The following ANKRD44 variants were observed in gnomAD, a reference collection of about 807,000 sequenced individuals.
ANKRD44 encodes ankyrin repeat domain 44.
Under a neutral mutation model 116.0 loss-of-function variants are expected in ANKRD44, and 35 were observed. That is an observed-to-expected ratio of 0.30 (90% CI 0.23 to 0.40). The LOEUF is 0.40. Ranked by LOEUF, ANKRD44 falls within the 10% of genes least tolerant of loss-of-function variation. The probability of loss-of-function intolerance (pLI) is 1.00; values close to 1 mark genes in which losing one functional copy is unlikely to be tolerated. For synonymous variants in ANKRD44, 435 were observed against 461.8 expected, an observed-to-expected ratio of 0.94 and a Z score of 0.74; for missense variants, 1,014 against 1,242.6, an observed-to-expected ratio of 0.82 and a Z score of 2.77.
intron 16 of ANKRD44, among the ~76,000 whole-genome samples, chr2:197,044,055 G>A (rs2076958354): frequency 6.6e-6 from 1 of 152,070 alleles, no homozygotes; most frequent in Non-Finnish European, 1.5e-5. Flanking sequence ...TCAATTTGTA[G>A]GATATTTTCT....
intron 1 of ANKRD44, among the ~76,000 whole-genome samples, chr2:197,281,389 G>A (rs1054477699): frequency 6.6e-6 from 1 of 150,776 alleles, no homozygotes; most frequent in Non-Finnish European, 1.5e-5. Flanking sequence ...CTCTCAATCT[G>A]GCAAAGAAAC....
intron 16 of ANKRD44, among the ~76,000 whole-genome samples, chr2:197,032,390 CTT>C (rs71012944): frequency 7.1e-5 from 10 of 140,808 alleles, no homozygotes; most frequent in African/African-American, 1.0e-4. Context: ...GGAAGTGTCA[CTT>C]TTTTTTTTTT....
At chr2:197,211,398 A>C (rs1414610239) in intron 1 of ANKRD44, among the ~76,000 whole-genome samples, 1 of 152,164 alleles carries the variant, frequency 6.6e-6, no homozygotes, top group Non-Finnish European at 1.5e-5. Flanking sequence ...AGAAAATTTC[A>C]ATAACTTAGC....
chr2:197,039,724 T>A (rs985043594), intron 16 of ANKRD44, among the ~76,000 whole-genome samples: 1 of 111,134 alleles, frequency 9.0e-6, no homozygotes, highest in East Asian at 2.7e-4. Flanking sequence ...TGTGTGTGTG[T>A]GAAGGGGCAG....
At chr2:197,136,696 G>T (rs909658139) in intron 3 of ANKRD44, 34 bp from the exon 4 acceptor site, 13 of 1,594,476 alleles carry the variant, frequency 8.2e-6, no homozygotes, top group Non-Finnish European at 5.2e-6. Context: ...GAGGCATAAT[G>T]GGGTCAAGGG....
intron 16 of ANKRD44, among the ~76,000 whole-genome samples, chr2:197,027,749 T>C (rs1180234410): frequency 2.0e-5 from 3 of 150,026 alleles, no homozygotes; most frequent in Admixed American, 6.7e-5. Context: ...TGCAGTGATG[T>C]GATTTCAGCC....
intron 2 of ANKRD44, among the ~76,000 whole-genome samples, chr2:197,171,725 A>T (rs889584601): frequency 6.6e-6 from 1 of 152,190 alleles, no homozygotes; most frequent in Admixed American, 6.5e-5. Flanking sequence ...GATGATGTTC[A>T]TCGATTGTAA....
intron 1 of ANKRD44, among the ~76,000 whole-genome samples, chr2:197,293,542 C>A (rs772752197): frequency 8.5e-5 from 13 of 152,094 alleles, no homozygotes; most frequent in Non-Finnish European, 1.8e-4. Flanking sequence ...ACAAATGTTC[C>A]CTTCAGATGG....
intron 4 of ANKRD44, 48 bp from the exon 5 acceptor site, chr2:197,126,085 A>G (rs966996871): frequency 6.3e-7 from 1 of 1,592,262 alleles, no homozygotes; most frequent in African/African-American, 1.3e-5. Flanking sequence ...ACGTTCAATC[A>G]ATACTTACTG....
intron 16 of ANKRD44, among the ~76,000 whole-genome samples, chr2:197,039,044 AT>A (rs758382813): frequency 6.6e-6 from 1 of 152,194 alleles, no homozygotes; most frequent in African/African-American, 2.4e-5. Context: ...CCCAAATTCA[AT>A]TTTTCCCAAG....
chr2:197,047,392 C>T (rs1437811888), intron 16 of ANKRD44, among the ~76,000 whole-genome samples: 2 of 152,156 alleles, frequency 1.3e-5, no homozygotes, highest in Non-Finnish European at 2.9e-5. Context: ...AATACCATGG[C>T]TTCTAATTAT....
At chr2:197,066,193 T>C (rs914461475) in intron 16 of ANKRD44, among the ~76,000 whole-genome samples, 1 of 152,166 alleles carries the variant, frequency 6.6e-6, no homozygotes, top group African/African-American at 2.4e-5. Context: ...AAAAACCACA[T>C]GATTATCTCA....
At chr2:197,128,393 T>A (rs1444011402) in intron 4 of ANKRD44, among the ~76,000 whole-genome samples, 3 of 152,236 alleles carry the variant, frequency 2.0e-5, no homozygotes, top group Non-Finnish European at 1.5e-5. Context: ...TACTGATCAG[T>A]GATATCGAGC....
chr2:197,039,977 C>G (rs1292572734), intron 16 of ANKRD44, among the ~76,000 whole-genome samples: 2 of 150,846 alleles, frequency 1.3e-5, no homozygotes, highest in African/African-American at 4.9e-5. Flanking sequence ...GCCTATAATC[C>G]CAGCACTTTG....
intron 1 of ANKRD44, among the ~76,000 whole-genome samples, chr2:197,280,024 C>T (rs2083217837): frequency 1.3e-5 from 2 of 152,232 alleles, no homozygotes; most frequent in Admixed American, 1.3e-4. Context: ...TTATGAGACA[C>T]TTCTGCCTTT....
intron 2 of ANKRD44, among the ~76,000 whole-genome samples, chr2:197,162,275 T>C (rs2079985147): frequency 6.6e-6 from 1 of 152,208 alleles, no homozygotes; most frequent in Non-Finnish European, 1.5e-5. Flanking sequence ...CCACCCTAAA[T>C]GTGACAAGAC....
rs370547231 is a variant in ANKRD44, at chr2:197,016,740, T to C, written c.1723-3028A>G. Reference sequence around the variant, plus strand: ...CAAATGAAAAACAAAAACTCAGAATTCACAAAAAAAAGAAAAGAAAAGCCT... The same window carrying C: ...CAAATGAAAAACAAAAACTCAGAATCCACAAAAAAAAGAAAAGAAAAGCCT... On this transcript the variant is annotated intron_variant, in intron 17 of 27. Transcript: ENST00000282272. Among the ~76,000 whole-genome samples the C allele has an allele frequency of 1.1e-3, 162 of 151,828 alleles. 3 individuals carry two copies. Among genetic ancestry groups the C allele is most frequent in the African/African-American group, 3.6e-3 (149 of 41,392 alleles).
intron 1 of ANKRD44, among the ~76,000 whole-genome samples, chr2:197,279,866 G>T (rs1446142743): frequency 6.6e-6 from 1 of 152,072 alleles, no homozygotes; most frequent in Non-Finnish European, 1.5e-5. Context: ...CACCCAGTTG[G>T]ACCATAAAGT....
intron 8 of ANKRD44, among the ~76,000 whole-genome samples, chr2:197,116,167 T>A (rs1191255439): frequency 1.3e-5 from 2 of 152,136 alleles, no homozygotes; most frequent in Non-Finnish European, 2.9e-5. Flanking sequence ...ACTGGTCAGT[T>A]AACTGGGAGC....
Sources: allele counts gnomAD v4.1 joint callset (sites outside exome capture counted in the v4.1 genomes callset), GRCh38; gene constraint gnomAD v4.1.1; transcripts MANE v1.5; gene names NCBI Gene and HGNC (gene_info 2026-07-23, HGNC 2026-07-21).